Variants in CDC42BPG observed in about 807,000 individuals in gnomAD.
CDC42BPG encodes serine/threonine-protein kinase MRCK gamma.
A neutral mutation model predicts 192.2 loss-of-function variants in CDC42BPG; 157 were observed. The ratio of observed to expected loss-of-function variants is 0.82; its 90% CI spans 0.72 to 0.93. The LOEUF (loss-of-function observed/expected upper bound fraction) is 0.93. Among genes scored for constraint, CDC42BPG ranks in the 40% least tolerant of loss-of-function variants. CDC42BPG has a pLI of 0.00. For synonymous variants in CDC42BPG, 981 were observed against 918.5 expected (o/e 1.07, Z -1.23); for missense variants, 1,992 against 2,122.1 (o/e 0.94, Z 1.20).
intron 6 of CDC42BPG, 31 bp downstream of exon 6, chr11:64,839,447 C>A: frequency 9.4e-7 from 1 of 1,065,896 alleles, no homozygotes; most frequent in Non-Finnish European, 1.4e-6. Flanking sequence ...GCCTTGTATC[C>A]CCTGCTCCCA....
Position 64,823,089 on chromosome 11 carries a change from C to CTTTT in CDC42BPG, c.*1380_*1383dup, listed in dbSNP as rs67018116. Reference sequence around the variant, plus strand: ...GTCTTTATTGGTTTCCTTTTCTTTTCTTTTTTTTTTTTTTTGAGACGGAGT... The same window carrying CTTTT: ...GTCTTTATTGGTTTCCTTTTCTTTTCTTTTTTTTTTTTTTTTTTTGAGACGGAGT... On this transcript the variant is annotated 3_prime_UTR_variant, in exon 37 of 37. Transcript: ENST00000342711. Among the ~76,000 whole-genome samples, 1 of 137,722 alleles carries CTTTT rather than the reference C, an allele frequency of 7.3e-6. No individual in the cohort carries two copies. Among genetic ancestry groups the CTTTT allele is most frequent in the Non-Finnish European group, 1.6e-5 (1 of 64,172 alleles). The allele number at this position is 137,722 out of a possible 152,430, so 90.4% of individuals were successfully genotyped here.
Position 64,824,456 on chromosome 11 carries a change from G to C in CDC42BPG, c.*17C>G. On this transcript the variant is annotated 3_prime_UTR_variant, in exon 37 of 37. Transcript: ENST00000342711. Reference sequence around the variant, plus strand: ...GTCCTTCTGCCCTGGGATTGGGGTGGGCCCTAACAGAGGGCATCAAGGAGA... The same window carrying C: ...GTCCTTCTGCCCTGGGATTGGGGTGCGCCCTAACAGAGGGCATCAAGGAGA... 6.5e-7 allele frequency: 1 copy of C among 1,531,470 alleles called. No individual in the cohort carries two copies. Among genetic ancestry groups the C allele is most frequent in the Non-Finnish European group, 9.1e-7 (1 of 1,103,726 alleles). 94.9% of individuals were successfully genotyped at this position (1,531,470 alleles called of 1,614,324 possible). A position where few individuals can be genotyped will look rare whatever the true frequency, so the allele number is the denominator to read the frequency against.
chr11:64,844,452 G>A lies in CDC42BPG; in HGVS notation c.118C>T (p.Pro40Ser). The A allele has an allele frequency of 6.8e-7, 1 of 1,472,918 alleles. No homozygotes were observed. The highest frequency in any genetic ancestry group is 8.9e-7 in the Non-Finnish European group (1 of 1,117,886). The allele number at this position is 1,472,918 out of a possible 1,614,324, so 91.2% of individuals were successfully genotyped here. A position where few individuals can be genotyped will look rare whatever the true frequency, so the allele number is the denominator to read the frequency against. ...LALHHELSSGPLRRERSVAQF... is the reference protein window; with the variant it reads ...LALHHELSSGSLRRERSVAQF... ...GCCACGCTGCGCTCCCGCCGTAGGGGGCCGCTGCTGAGCTCGTGGTGCAGC... is the reference window on the plus strand; with the variant it reads ...GCCACGCTGCGCTCCCGCCGTAGGGAGCCGCTGCTGAGCTCGTGGTGCAGC... Residue 40 changes from proline (P) to serine (S), a missense_variant, in exon 1 of 37, where the codon CCC becomes TCC. This residue lies in a region of CDC42BPG where 1,656 missense variants were observed against 1,844.3 expected (regional missense o/e 0.90). Coordinates refer to ENST00000342711, the MANE Select transcript of CDC42BPG (RefSeq NM_017525.3).
At position 64,832,312 on chromosome 11, in the gene CDC42BPG, G is replaced by A. The variant is rs534312904; in HGVS notation, c.3087+116C>T. On this transcript the variant is annotated intron_variant, in intron 27 of 36. Coordinates refer to ENST00000342711, the MANE Select transcript of CDC42BPG (RefSeq NM_017525.3). ...CGGGCCAGGTGCTCACGTGGAAAGCGTGCTGTGGTTGTGGGCTGGCCCAAG... is the reference window on the plus strand; with the variant it reads ...CGGGCCAGGTGCTCACGTGGAAAGCATGCTGTGGTTGTGGGCTGGCCCAAG... 9.4e-5 allele frequency: 99 copies of A among 1,055,660 alleles called. No homozygotes were observed. In the East Asian group the frequency reaches 9.5e-4, roughly 10 times the overall value. The allele number at this position is 1,055,660 out of a possible 1,614,324, so 65.4% of individuals were successfully genotyped here. A position where few individuals can be genotyped will look rare whatever the true frequency, so the allele number is the denominator to read the frequency against.
In CDC42BPG at chr11:64,836,807, G is replaced by A. The variant is rs1026249250; in HGVS notation, c.1316C>T (p.Ala439Val). 1.7e-5 allele frequency: 28 copies of A among 1,606,756 alleles called. No individual in the cohort carries two copies. Among genetic ancestry groups the A allele is most frequent in the Non-Finnish European group, 2.0e-5 (23 of 1,176,536 alleles). The change falls in exon 11 of 37, where the codon GCC (alanine) becomes GTC (valine). Residue 439 changes from alanine (A) to valine (V), a missense_variant. Physicochemically the swap from Ala to Val is moderately conservative, Grantham distance 64. Around this residue, in one of 2 missense-constraint regions of CDC42BPG, gnomAD observed 1,656 missense variants for 1,844.3 expected, o/e 0.90. Transcript: ENST00000342711. Reference sequence around the variant, plus strand: ...CTCCAGCTCCCGATGGTCTGTGGGGGCGTGCAGGGCCTCTGGAGGGGAGGT... The same window carrying A: ...CTCCAGCTCCCGATGGTCTGTGGGGACGTGCAGGGCCTCTGGAGGGGAGGT... Reference protein sequence around the residue: ...LSRKHQEALHAPTDHRELEQL... With the variant: ...LSRKHQEALHVPTDHRELEQL...
At position 64,830,008 on chromosome 11, in the gene CDC42BPG, G is replaced by A. The variant is rs1269615235; in HGVS notation, c.3430C>T (p.Leu1144=). ...QQLTLSPSAG[L]LVVLCGRGPS... ...CCGCGGCCACACAGCACGACCAGCA[G>A]GCCTGCACTGGGGCTCAAGGTCAGC... Residue 1144 remains leucine (L), a synonymous_variant, in exon 30 of 37, where the codon CTG becomes TTG. Transcript: ENST00000342711. 6.2e-7 allele frequency: 1 copy of A among 1,612,458 alleles called. No homozygotes were observed. Among genetic ancestry groups the A allele is most frequent in the Non-Finnish European group, 8.5e-7 (1 of 1,179,368 alleles).
In CDC42BPG at chr11:64,834,506, C is replaced by T. The variant is rs749430212; in HGVS notation, c.2247G>A (p.Leu749=). Residue 749 remains leucine (L), a synonymous_variant, in exon 19 of 37, where the codon CTG becomes CTA. Coordinates refer to ENST00000342711, the MANE Select transcript of CDC42BPG (RefSeq NM_017525.3). ...ASARLELQSA[L]EAEIRAKQGL... is the part of the protein sequence containing the mutation. ...CCTGCTTGGCGCGGATCTCGGCCTC[C>T]AGCGCTGACTGCAGCTCCAGCCTGG... is the stretch of plus-strand genomic sequence containing the variant. 2 of 1,578,812 alleles carry T rather than the reference C, an allele frequency of 1.3e-6. No individual in the cohort carries two copies. The highest frequency in any genetic ancestry group is 1.7e-6 in the Non-Finnish European group (2 of 1,162,228).
At chr11:64,841,370 T>G (rs1363017011) in intron 3 of CDC42BPG, among the ~76,000 whole-genome samples, 1 of 151,788 alleles carries the variant, frequency 6.6e-6, no homozygotes, top group African/African-American at 2.4e-5. Flanking sequence ...GGAGAATTAC[T>G]TGAACTGGGA....
At position 64,827,125 on chromosome 11, in the gene CDC42BPG, C is replaced by A; in HGVS notation, c.4314G>T (p.Ser1438=). 6.2e-7 allele frequency: 1 copy of A among 1,614,114 alleles called. No individual in the cohort carries two copies. Among genetic ancestry groups the A allele is most frequent in the Admixed American group, 1.7e-5 (1 of 60,014 alleles). The change falls in exon 34 of 37, where the codon TCG becomes TCT. Residue 1438 remains serine (S), a synonymous_variant. Coordinates refer to ENST00000342711, the MANE Select transcript of CDC42BPG (RefSeq NM_017525.3). ...CTAGGTGGTTGAAGTTGGTAGGCGG[C>A]GAGATGAGCTTGGAGCGCACAAAAG... ...KDPFVRSKLI[S]PPTNFNHLVH... is the part of the protein sequence containing the mutation.
chr11:64,834,277 C>T lies in CDC42BPG; in HGVS notation c.2402G>A (p.Arg801Gln), dbSNP rs371471295. 7 of 1,573,028 alleles carry T rather than the reference C, an allele frequency of 4.5e-6. No homozygotes were observed. The highest frequency in any genetic ancestry group is 2.7e-5 in the African/African-American group (2 of 73,798). ...TGGCAGCCACTCACCCACTGGCCCT[C>T]GGGCCCGCAGCTCCTCCCGCAGCAT... Reference protein sequence around the residue: ...LAMLREELRARGPVDTKPSNS... With the variant: ...LAMLREELRAQGPVDTKPSNS... Residue 801 changes from arginine (R) to glutamine (Q), a missense_variant, in exon 20 of 37, where the codon CGA becomes CAA. Physicochemically the swap from Arg to Gln is conservative, Grantham distance 43. This residue lies in a region of CDC42BPG where 1,656 missense variants were observed against 1,844.3 expected (regional missense o/e 0.90). Coordinates refer to ENST00000342711, the MANE Select transcript of CDC42BPG (RefSeq NM_017525.3).
In CDC42BPG at chr11:64,834,962, C is replaced by T. The variant is rs747869165; in HGVS notation, c.2062G>A (p.Val688Met). ...EAQLADILSWVNDEKVSRGYL... is the reference protein window; with the variant it reads ...EAQLADILSWMNDEKVSRGYL... ...CCTCTTGAGACCTTCTCATCATTCA[C>T]CCTGAATGGGAAGGGGCTCAGGGTC... The change falls in exon 18 of 37, where the codon GTG (valine) becomes ATG (methionine). Residue 688 changes from valine (V) to methionine (M), a missense_variant and splice_region_variant. Physicochemically the swap from Val to Met is conservative, Grantham distance 21. Coordinates refer to ENST00000342711, the MANE Select transcript of CDC42BPG (RefSeq NM_017525.3). The T allele has an allele frequency of 6.2e-7, 1 of 1,613,856 alleles. No homozygotes were observed. The highest frequency in any genetic ancestry group is 2.2e-5 in the East Asian group (1 of 44,876).
chr11:64,843,790 C>T (rs892456022), intron 1 of CDC42BPG, among the ~76,000 whole-genome samples: 3 of 152,196 alleles, frequency 2.0e-5, no homozygotes, highest in African/African-American at 7.2e-5. Flanking sequence ...AGGAGCTTGG[C>T]CAGCAGCCTG....
In CDC42BPG at chr11:64,836,721, G is replaced by GGGGGGGGGGC; in HGVS notation, c.1384+17_1384+18insGCCCCCCCCC. Reference sequence around the variant, plus strand: ...GACTCAGCCCTGGGGGGGGGGGGGGGGTGGGCGGAAGGGATACCTGGCAGC... The same window carrying GGGGGGGGGGC: ...GACTCAGCCCTGGGGGGGGGGGGGGGGGGGGGGGGCGTGGGCGGAAGGGATACCTGGCAGC... On this transcript the variant is annotated intron_variant, in intron 11 of 36. Coordinates refer to ENST00000342711, the MANE Select transcript of CDC42BPG (RefSeq NM_017525.3). The GGGGGGGGGGC allele has an allele frequency of 1.2e-6, 1 of 857,200 alleles. No homozygotes were observed. Among genetic ancestry groups the GGGGGGGGGGC allele is most frequent in the Non-Finnish European group, 1.7e-6 (1 of 595,164 alleles). 53.1% of individuals were successfully genotyped at this position (857,200 alleles called of 1,614,324 possible).
intron 26 of CDC42BPG, 35 bp downstream of exon 26, chr11:64,832,569 T>C (rs1565678589): frequency 6.2e-7 from 1 of 1,613,940 alleles, no homozygotes; most frequent in Non-Finnish European, 8.5e-7. Flanking sequence ...CCCTTACCAC[T>C]AGTCCCTTGC....
chr11:64,835,483 C>T lies in CDC42BPG; in HGVS notation c.1880+17G>A, dbSNP rs1304193047. 13 of 1,606,742 alleles carry T rather than the reference C, an allele frequency of 8.1e-6. No individual in the cohort carries two copies. The highest frequency in any genetic ancestry group is 9.3e-6 in the Non-Finnish European group (11 of 1,177,802). ...GGCCAGGCCCGGCCCCTCCCTGCCA[C>T]CAGCTGCCTGGCTCACCTGTGGCTG... On this transcript the variant is annotated intron_variant, in intron 15 of 36. Transcript: ENST00000342711.
intron 36 of CDC42BPG, 28 bp downstream of exon 36, chr11:64,826,442 G>A (rs1942418827): frequency 2.0e-6 from 3 of 1,516,136 alleles, no homozygotes; most frequent in East Asian, 2.3e-5. Context: ...TTGAATAGGG[G>A]ACGGACAAGC....
At position 64,838,658 on chromosome 11, in the gene CDC42BPG, T is replaced by C; in HGVS notation, c.1121A>G (p.His374Arg). The C allele has an allele frequency of 6.2e-7, 1 of 1,612,146 alleles. No homozygotes were observed. The highest frequency in any genetic ancestry group is 8.5e-7 in the Non-Finnish European group (1 of 1,179,126). The change falls in exon 8 of 37, where the codon CAT (histidine) becomes CGT (arginine). Residue 374 changes from histidine (H) to arginine (R), a missense_variant. By Grantham distance (29) the His-to-Arg change is conservative. Around this residue, in one of 2 missense-constraint regions of CDC42BPG, gnomAD observed 1,656 missense variants for 1,844.3 expected, o/e 0.90. Coordinates refer to ENST00000342711, the MANE Select transcript of CDC42BPG (RefSeq NM_017525.3). ...GCAGTGGCCTTTGCCACTCACTGGA[T>C]GGTTGAGGGTGTCGTCATCCACATC... ...NFDVDDDTLN[H>R]PGTLPPPSHG...
Position 64,832,642 on chromosome 11 carries a change from G to A in CDC42BPG, c.2967C>T (p.Ser989=). ...LLFDAPDLRL[S]PPSGALLQVL... ...CCTGCAGGAGGGCCCCACTGGGCGG[G>A]CTGAGCCTCAGGTCAGGGGCGTCAA... Residue 989 remains serine (S), a synonymous_variant, in exon 26 of 37, where the codon AGC becomes AGT. Transcript: ENST00000342711. 6.2e-7 allele frequency: 1 copy of A among 1,613,832 alleles called. No homozygotes were observed.
chr11:64,829,484 C>T lies in CDC42BPG; in HGVS notation c.3954G>A (p.Ala1318=), dbSNP rs145562140. 94 of 1,612,740 alleles carry T rather than the reference C, an allele frequency of 5.8e-5. No homozygotes were observed. The highest frequency in any genetic ancestry group is 4.8e-4 in the South Asian group (44 of 91,076). Residue 1318 remains alanine (A), a synonymous_variant, in exon 30 of 37, where the codon GCG becomes GCA. Transcript: ENST00000342711. ...SRGHELLWPA[A]PMGWGYAAPY... is the part of the protein sequence containing the mutation. ...AGCAGGCCTTACCCCAGCCCATGGG[C>T]GCTGCTGGCCACAACAGCTCGTGGC...
Sources: allele counts gnomAD v4.1 joint callset (sites outside exome capture counted in the v4.1 genomes callset), GRCh38; gene constraint gnomAD v4.1.1; regional missense constraint gnomAD v4.1.1; transcripts MANE v1.5; gene names NCBI Gene and HGNC (gene_info 2026-07-23, HGNC 2026-07-21).